Variants in PRELID2 observed in about 807,000 individuals in gnomAD.
PRELID2 encodes the protein PRELI domain containing 2, also known as PRELI domain-containing protein 2.
PRELID2 carries 25 observed loss-of-function variants against 28.4 expected under a neutral mutation model. That is an observed-to-expected ratio of 0.88 (90% CI 0.64 to 1.23). The LOEUF (loss-of-function observed/expected upper bound fraction) is 1.23, where lower values mean the gene tolerates loss of function less well. Among genes scored for constraint, PRELID2 ranks in the 50% most tolerant of loss-of-function variants. PRELID2 has a pLI of 0.00. For missense variants in PRELID2, 201 were observed against 214.4 expected (o/e 0.94, Z 0.39); for synonymous variants, 76 against 71.6 (o/e 1.06, Z -0.31).
intron 1 of PRELID2, among the ~76,000 whole-genome samples, chr5:145,579,435 C>A (rs755758622): frequency 6.6e-6 from 1 of 152,086 alleles, no homozygotes; most frequent in East Asian, 1.9e-4. Flanking sequence ...AGTTTTATTG[C>A]CCTTGGGCAG....
chr5:145,271,036 G>A, the PRELID2 span, among the ~76,000 whole-genome samples: 2 of 151,974 alleles, frequency 1.3e-5, no homozygotes, highest in Non-Finnish European at 2.9e-5. Flanking sequence ...AGGAGCAAAC[G>A]GGAAAGAGCC....
chr5:145,788,571 T>C (rs1029607589), intron 5 of PRELID2, among the ~76,000 whole-genome samples: 5 of 152,160 alleles, frequency 3.3e-5, no homozygotes, highest in African/African-American at 9.7e-5. Flanking sequence ...GTATACCCCA[T>C]TGCTGTCATG....
the PRELID2 span, among the ~76,000 whole-genome samples, chr5:145,341,105 T>A: frequency 1.3e-5 from 2 of 151,646 alleles, no homozygotes; most frequent in Non-Finnish European, 2.9e-5. Flanking sequence ...CAGGGAAAAG[T>A]ACTCCACTAT....
chr5:145,640,474 T>A (rs1304501474), intron 1 of PRELID2, among the ~76,000 whole-genome samples: 2 of 86,786 alleles, frequency 2.3e-5, no homozygotes, highest in African/African-American at 5.6e-5. Flanking sequence ...AGACTCCGTC[T>A]CAAAAAAAAA....
chr5:145,392,231 C>A, the PRELID2 span, among the ~76,000 whole-genome samples: 5 of 152,174 alleles, frequency 3.3e-5, no homozygotes, highest in African/African-American at 1.2e-4. Flanking sequence ...ATTCACAGTT[C>A]AGCATGGCTG....
At chr5:145,763,942 G>A (rs1419963881) in intron 6 of PRELID2, among the ~76,000 whole-genome samples, 1 of 152,032 alleles carries the variant, frequency 6.6e-6, no homozygotes, top group Admixed American at 6.6e-5. Context: ...CGGGCATGAT[G>A]GTGCACACCT....
At chr5:145,761,084 C>T (rs552185540) in intron 6 of PRELID2, among the ~76,000 whole-genome samples, 2 of 152,206 alleles carry the variant, frequency 1.3e-5, no homozygotes, top group Admixed American at 6.5e-5. Context: ...CAGTGTAGAA[C>T]GTAGTCACTT....
chr5:145,727,988 C>G (rs1194218755), intron 1 of PRELID2, among the ~76,000 whole-genome samples: 2 of 152,162 alleles, frequency 1.3e-5, no homozygotes, highest in Non-Finnish European at 2.9e-5. Flanking sequence ...CCTCCCTCCC[C>G]TCTGTTCATT....
intron 1 of PRELID2, among the ~76,000 whole-genome samples, chr5:145,745,054 T>C (rs987013394): frequency 1.3e-5 from 2 of 151,768 alleles, no homozygotes; most frequent in African/African-American, 4.8e-5. Context: ...CATGAGAACT[T>C]TGTAAAGCAT....
At chr5:145,309,731 C>CA in the PRELID2 span, among the ~76,000 whole-genome samples, 1 of 151,868 alleles carries the variant, frequency 6.6e-6, no homozygotes, top group African/African-American at 2.4e-5. Flanking sequence ...GTTTAGGGAA[C>CA]AAAAAAAGGT....
intron 1 of PRELID2, among the ~76,000 whole-genome samples, chr5:145,581,087 G>T (rs1002205790): frequency 5.3e-5 from 8 of 151,332 alleles, no homozygotes; most frequent in African/African-American, 1.9e-4. Context: ...CCAGACTTTT[G>T]TCTCTGTTGG....
At chr5:145,456,230 G>C in the PRELID2 span, among the ~76,000 whole-genome samples, 102,668 of 152,092 alleles carry the variant, frequency 0.68, 35,232 homozygotes, top group Non-Finnish European at 0.71. Flanking sequence ...ACAAGACTTT[G>C]TTAATGACAG....
intron 1 of PRELID2, among the ~76,000 whole-genome samples, chr5:145,497,570 G>A (rs1313128807): frequency 6.6e-6 from 1 of 152,040 alleles, no homozygotes; most frequent in Non-Finnish European, 1.5e-5. Flanking sequence ...TGTTTTCAGG[G>A]TTCCAGGTAA....
the PRELID2 span, among the ~76,000 whole-genome samples, chr5:145,357,958 G>T: frequency 1.3e-5 from 2 of 150,260 alleles, no homozygotes; most frequent in South Asian, 2.1e-4. Context: ...TTGGTTGTTT[G>T]GTTGTGGCAT....
At chr5:145,462,491 T>C in the PRELID2 span, among the ~76,000 whole-genome samples, 5 of 152,246 alleles carry the variant, frequency 3.3e-5, no homozygotes, top group Non-Finnish European at 5.9e-5. Context: ...GTCCAAAAAT[T>C]GCATGAATTC....
Position 145,618,868 on chromosome 5 carries a change from G to A in PRELID2, n.71-145553C>T, listed in dbSNP as rs553343532. On this transcript the variant is annotated intron_variant and non_coding_transcript_variant, in intron 1 of 2. Coordinates refer to the PRELID2 transcript ENST00000510259. ...GGTGGGTCTTGCTGTGGCTGCTCTG[G>A]GGGATAGGCATGAGGTTCCCAGGTC... Among the ~76,000 whole-genome samples the A allele has an allele frequency of 2.0e-4, 31 of 152,258 alleles. No homozygotes were observed. In the South Asian group the frequency reaches 6.4e-3, roughly 32 times the overall value.
intron 1 of PRELID2, among the ~76,000 whole-genome samples, chr5:145,506,740 G>A (rs1752414788): frequency 6.6e-6 from 1 of 152,118 alleles, no homozygotes; most frequent in Non-Finnish European, 1.5e-5. Context: ...TAAGGACAAT[G>A]AAGGATTAAG....
At chr5:145,767,136 C>G (rs577592988) in intron 5 of PRELID2, among the ~76,000 whole-genome samples, 7 of 137,428 alleles carry the variant, frequency 5.1e-5, no homozygotes, top group East Asian at 2.6e-4. Flanking sequence ...CCCCACCCCC[C>G]ACCCTGTACC....
chr5:145,752,637 C>T (rs1561573939), downstream of PRELID2, among the ~76,000 whole-genome samples: 1 of 152,158 alleles, frequency 6.6e-6, no homozygotes, highest in African/African-American at 2.4e-5. Context: ...TCCTCCATCA[C>T]CCTCATCTAG....
Sources: gnomAD v4.1 joint callset for allele counts (sites outside exome capture counted in the v4.1 genomes callset) on GRCh38, gnomAD v4.1.1 for gene constraint, MANE v1.5 for transcripts, NCBI Gene and HGNC (gene_info 2026-07-23, HGNC 2026-07-21) for gene names.